PVR: variants seen among roughly 807,000 people sequenced by gnomAD.
PVR encodes the protein poliovirus receptor.
In PVR, 39 loss-of-function variants were observed where a neutral mutation model predicts 43.3. The ratio of observed to expected loss-of-function variants is 0.90; its 90% confidence interval spans 0.70 to 1.18. The LOEUF (loss-of-function observed/expected upper bound fraction) is 1.18. PVR is among the 50% of genes most tolerant of loss of function. The pLI is 0.00. For missense variants in PVR, 480 were observed against 549.7 expected (o/e 0.87, Z 1.27); for synonymous variants, 224 against 233.2 (o/e 0.96, Z 0.36).
Position 44,647,432 on chromosome 19 carries a change from G to A in PVR, c.289G>A (p.Ala97Thr). 1 of 1,614,082 alleles carries A rather than the reference G, an allele frequency of 6.2e-7. No homozygotes were observed. Among genetic ancestry groups the A allele is most frequent in the South Asian group, 1.1e-5 (1 of 91,066 alleles). The change falls in exon 2 of 8, where the codon GCC becomes ACC. Residue 97 changes from alanine to threonine, a missense_variant. Ala to Thr is a moderately conservative substitution (Grantham distance 58). Transcript: ENST00000425690. Reference sequence around the variant, plus strand: ...GTCCAAACGGCTGGAATTCGTGGCAGCCAGACTGGGCGCGGAGCTGCGGAA... The same window carrying A: ...GTCCAAACGGCTGGAATTCGTGGCAACCAGACTGGGCGCGGAGCTGCGGAA... ...SESKRLEFVAARLGAELRNAS... is the reference protein window; with the variant it reads ...SESKRLEFVATRLGAELRNAS...
intron 4 of PVR, among the ~76,000 whole-genome samples, chr19:44,655,017 G>C (rs1424367306): frequency 6.6e-6 from 1 of 152,112 alleles, no homozygotes; most frequent in Non-Finnish European, 1.5e-5. Context: ...CAAGAGCAAG[G>C]TAAGAAAAAG....
At chr19:44,658,523 AC>A (rs1973512570) in intron 5 of PVR, among the ~76,000 whole-genome samples, 1 of 152,178 alleles carries the variant, frequency 6.6e-6, no homozygotes, top group African/African-American at 2.4e-5. Flanking sequence ...CCACCTATGA[AC>A]CAATCATAGC....
chr19:44,659,024 G>C (rs1326686460), intron 6 of PVR, 124 bp downstream of exon 6: 2 of 871,554 alleles, frequency 2.3e-6, no homozygotes, highest in East Asian at 2.6e-5. Flanking sequence ...TGACTGATGA[G>C]GGTGCAGAGC....
At chr19:44,652,585 T>C (rs952963079) in intron 3 of PVR, among the ~76,000 whole-genome samples, 5 of 152,156 alleles carry the variant, frequency 3.3e-5, no homozygotes, top group African/African-American at 1.2e-4. Flanking sequence ...GATTTCACCA[T>C]GTTGGCCAGG....
In PVR at chr19:44,665,735, T is replaced by G. The variant is rs1176594222; in HGVS notation, c.*3924T>G. 6.6e-6 allele frequency: 1 copy of G among 150,954 alleles called. No individual in the cohort carries two copies. The highest frequency in any genetic ancestry group is 1.5e-5 in the Non-Finnish European group (1 of 68,028). The allele number at this position is 150,954 out of a possible 1,614,324, so 9.4% of individuals were successfully genotyped here. A position where few individuals can be genotyped will look rare whatever the true frequency, so the allele number is the denominator to read the frequency against. On this transcript the variant is annotated 3_prime_UTR_variant, in exon 8 of 8. Coordinates refer to ENST00000425690, the MANE Select transcript of PVR (RefSeq NM_006505.5). ...TGCTCTGCTGTTTGTTCTGCTTTCC[T>G]CCACATATTGGCATCACCCTCTGGT...
intron 2 of PVR, among the ~76,000 whole-genome samples, chr19:44,648,488 T>C (rs887988685): frequency 6.4e-4 from 91 of 141,654 alleles, no homozygotes; most frequent in African/African-American, 2.2e-3. Context: ...AAACTGACCC[T>C]TTTTTTTTTT....
rs770928826 is a variant in PVR, at chr19:44,653,925, C to G, written c.750C>G (p.Gly250=). 7.4e-6 allele frequency: 12 copies of G among 1,613,978 alleles called. No individual in the cohort carries two copies. The highest frequency in any genetic ancestry group is 8.5e-6 in the Non-Finnish European group (10 of 1,179,812). ...VYYPPEVSIS[G]YDNNWYLGQN... is the part of the protein sequence containing the mutation. ...ACCCCCCAGAGGTATCCATCTCTGG[C>G]TATGATAACAACTGGTACCTTGGCC... Residue 250 remains glycine (G), a synonymous_variant, in exon 4 of 8, where the codon GGC becomes GGG. Transcript: ENST00000425690.
At chr19:44,651,172 G>T (rs1178252522) in intron 3 of PVR, among the ~76,000 whole-genome samples, 1 of 152,068 alleles carries the variant, frequency 6.6e-6, no homozygotes, top group Non-Finnish European at 1.5e-5. Context: ...CTGGCCCCTT[G>T]TCCATTTTCT....
At chr19:44,661,599 C>T in intron 7 of PVR, 141 bp from the exon 8 acceptor site, 1 of 783,214 alleles carries the variant, frequency 1.3e-6, no homozygotes, top group Non-Finnish European at 2.1e-6. Context: ...CCCATGGCCA[C>T]ACCTTGAGAA....
intron 6 of PVR, 115 bp downstream of exon 6, chr19:44,659,015 G>C (rs889874982): frequency 1.0e-5 from 10 of 975,154 alleles, no homozygotes; most frequent in Admixed American, 2.4e-5. Flanking sequence ...TCCCCCATTT[G>C]ACTGATGAGG....
intron 3 of PVR, among the ~76,000 whole-genome samples, chr19:44,650,901 C>T (rs1973264535): frequency 6.6e-6 from 1 of 151,956 alleles, no homozygotes; most frequent in Admixed American, 6.6e-5. Context: ...GACAGGGTCT[C>T]GCTCTGTCAC....
rs1973629705 is a variant in PVR at position 44,663,179 on chromosome 19, C to T, written c.*1368C>T. The T allele has an allele frequency of 6.6e-6, 1 of 152,414 alleles. No homozygotes were observed. Among genetic ancestry groups the T allele is most frequent in the Non-Finnish European group, 1.5e-5 (1 of 68,128 alleles). The allele number at this position is 152,414 out of a possible 1,614,324, so 9.4% of individuals were successfully genotyped here. ...TGGATGCGACCCAAGACCCAGGAGG[C>T]CCAGCTGCTCAGTGCAACTGACAAG... On this transcript the variant is annotated 3_prime_UTR_variant, in exon 8 of 8. Coordinates refer to ENST00000425690, the MANE Select transcript of PVR (RefSeq NM_006505.5).
intron 3 of PVR, among the ~76,000 whole-genome samples, chr19:44,651,085 C>T (rs986774540): frequency 1.3e-5 from 2 of 152,122 alleles, no homozygotes; most frequent in African/African-American, 2.4e-5. Context: ...CCAGGCTGGT[C>T]TCAAACTCCT....
At chr19:44,649,427 CTTTTTTTT>C (rs35536545) in intron 2 of PVR, among the ~76,000 whole-genome samples, 1 of 125,454 alleles carries the variant, frequency 8.0e-6, no homozygotes, top group Non-Finnish European at 1.6e-5. Context: ...CATTCTGTAT[CTTTTTTTT>C]TTTTTTTTTT....
At position 44,644,190 on chromosome 19, in the gene PVR, C is replaced by T; in HGVS notation, c.79+15C>T. On this transcript the variant is annotated intron_variant, in intron 1 of 7. Coordinates refer to ENST00000425690, the MANE Select transcript of PVR (RefSeq NM_006505.5). Reference sequence around the variant, plus strand: ...CCCAGGAACCGGTGAGTGACCCCCGCGCAGTCCGGTGGCCCCTGTCTGGCT... The same window carrying T: ...CCCAGGAACCGGTGAGTGACCCCCGTGCAGTCCGGTGGCCCCTGTCTGGCT... The T allele has an allele frequency of 6.7e-7, 1 of 1,487,472 alleles. No homozygotes were observed. The highest frequency in any genetic ancestry group is 8.9e-7 in the Non-Finnish European group (1 of 1,124,558). The allele number at this position is 1,487,472 out of a possible 1,614,324, so 92.1% of individuals were successfully genotyped here.
intron 5 of PVR, 87 bp from the exon 6 acceptor site, chr19:44,658,655 C>T: frequency 1.6e-6 from 2 of 1,233,160 alleles, no homozygotes. Context: ...GTGGTGGCTC[C>T]CTAAGGAAAT....
chr19:44,646,063 T>C (rs1257776007), intron 1 of PVR, among the ~76,000 whole-genome samples: 2 of 152,130 alleles, frequency 1.3e-5, no homozygotes, highest in Admixed American at 1.3e-4. Context: ...ATGTTAACAG[T>C]AGTGCTTGCC....
chr19:44,664,671 A>G lies in PVR; in HGVS notation c.*2860A>G, dbSNP rs1404002293. On this transcript the variant is annotated 3_prime_UTR_variant, in exon 8 of 8. Coordinates refer to ENST00000425690, the MANE Select transcript of PVR (RefSeq NM_006505.5). ...TCCTTTCCAGCCTTTCACTATTACA[A>G]TGTTGTAGTGAATAACTTTACACAC... 5 of 151,142 alleles carry G rather than the reference A, an allele frequency of 3.3e-5. No individual in the cohort carries two copies. Among genetic ancestry groups the G allele is most frequent in the Non-Finnish European group, 7.4e-5 (5 of 67,790 alleles). 9.4% of individuals were successfully genotyped at this position (151,142 alleles called of 1,614,324 possible).
At chr19:44,655,183 C>T (rs1291272880) in intron 4 of PVR, among the ~76,000 whole-genome samples, 1 of 152,068 alleles carries the variant, frequency 6.6e-6, no homozygotes, top group Non-Finnish European at 1.5e-5. Flanking sequence ...TCCCTGGGCT[C>T]AGGTGATCCT....
Sources: gnomAD v4.1 joint callset for allele counts (sites outside exome capture counted in the v4.1 genomes callset) on GRCh38, gnomAD v4.1.1 for gene constraint, MANE v1.5 for transcripts, NCBI Gene and HGNC (gene_info 2026-07-23, HGNC 2026-07-21) for gene names.